The following DNAAF11 variants were observed in gnomAD, a reference collection of about 807,000 sequenced individuals.
DNAAF11 encodes the protein dynein axonemal assembly factor 11.
In DNAAF11, 45 loss-of-function variants were observed where a neutral mutation model predicts 60.8. The ratio of observed to expected loss-of-function variants is 0.74; its 90% confidence interval spans 0.58 to 0.95. The LOEUF is 0.95. DNAAF11 is among the 40% of genes least tolerant of loss of function. The pLI is 0.00. For missense variants in DNAAF11, 546 were observed against 546.2 expected (o/e 1.00, Z 0.00); for synonymous variants, 191 against 183.5 (o/e 1.04, Z -0.33).
intron 10 of DNAAF11, among the ~76,000 whole-genome samples, chr8:132,599,212 AG>A (rs1398507209): frequency 2.0e-5 from 3 of 152,232 alleles, no homozygotes; most frequent in Non-Finnish European, 4.4e-5. Context: ...CACCACCCCA[AG>A]ACTAAACCAG....
intron 5 of DNAAF11, among the ~76,000 whole-genome samples, chr8:132,626,378 T>C (rs1820287232): frequency 6.6e-6 from 1 of 152,188 alleles, no homozygotes; most frequent in East Asian, 1.9e-4. Context: ...GGCCTGTGTC[T>C]AGTTTATTTT....
intron 7 of DNAAF11, among the ~76,000 whole-genome samples, chr8:132,617,240 TGAA>T (rs1328947056): frequency 6.6e-6 from 1 of 152,026 alleles, no homozygotes; most frequent in Non-Finnish European, 1.5e-5. Flanking sequence ...GTGAGAGCCA[TGAA>T]GAGCGAATGT....
chr8:132,660,061 G>A (rs531143282), intron 2 of DNAAF11, among the ~76,000 whole-genome samples: 1 of 152,152 alleles, frequency 6.6e-6, no homozygotes, highest in Non-Finnish European at 1.5e-5. Context: ...ACAGGGGTTG[G>A]CACTCACTCT....
intron 3 of DNAAF11, among the ~76,000 whole-genome samples, chr8:132,640,103 C>T (rs1263325953): frequency 6.6e-6 from 1 of 152,112 alleles, no homozygotes. Flanking sequence ...TCTAATAGAC[C>T]TTCTTCAACC....
At chr8:132,614,986 G>T in intron 8 of DNAAF11, 52 bp downstream of exon 8, 2 of 1,187,170 alleles carry the variant, frequency 1.7e-6, no homozygotes, top group South Asian at 1.4e-5. Flanking sequence ...TTACTACTGA[G>T]AATGAAAACA....
intron 1 of DNAAF11, among the ~76,000 whole-genome samples, chr8:132,668,595 C>T (rs558843660): frequency 1.3e-5 from 2 of 152,102 alleles, no homozygotes; most frequent in African/African-American, 2.4e-5. Context: ...CCTGCCACCA[C>T]GCCTGGCTAA....
At chr8:132,579,272 C>T (rs762941115) in intron 11 of DNAAF11, among the ~76,000 whole-genome samples, 3 of 152,096 alleles carry the variant, frequency 2.0e-5, no homozygotes, top group South Asian at 2.1e-4. Context: ...TTGCCAGGGT[C>T]CAGTAAAACA....
At chr8:132,658,365 C>A (rs562967902) in intron 2 of DNAAF11, among the ~76,000 whole-genome samples, 1 of 152,270 alleles carries the variant, frequency 6.6e-6, no homozygotes, top group South Asian at 2.1e-4. Flanking sequence ...CTCTGTTGCC[C>A]AGGCTGGAGT....
intron 1 of DNAAF11, among the ~76,000 whole-genome samples, chr8:132,674,236 A>G (rs1347243138): frequency 6.6e-6 from 1 of 151,942 alleles, no homozygotes; most frequent in Admixed American, 6.6e-5. Context: ...GAGAAGAAGA[A>G]AAAAACCAAC....
chr8:132,616,661 T>C (rs1162336224), intron 7 of DNAAF11, among the ~76,000 whole-genome samples: 1 of 152,150 alleles, frequency 6.6e-6, no homozygotes, highest in Non-Finnish European at 1.5e-5. Context: ...CTTTTAGTCG[T>C]CATAAGTGTG....
chr8:132,633,714 T>A (rs1370599888), intron 4 of DNAAF11, among the ~76,000 whole-genome samples: 1 of 152,132 alleles, frequency 6.6e-6, no homozygotes, highest in African/African-American at 2.4e-5. Context: ...ATGATTCTTA[T>A]AAGGACCACA....
At position 132,571,802 on chromosome 8, in the gene DNAAF11, T is replaced by G. The variant is rs1209218133; in HGVS notation, c.*504A>C. Among the ~76,000 whole-genome samples the G allele has an allele frequency of 6.6e-6, 1 of 152,050 alleles. No individual in the cohort carries two copies. The highest frequency in any genetic ancestry group is 1.5e-5 in the Non-Finnish European group (1 of 68,010). On this transcript the variant is annotated 3_prime_UTR_variant, in exon 12 of 12. Coordinates refer to ENST00000620350, the MANE Select transcript of DNAAF11 (RefSeq NM_012472.6). ...ATTGAGCTGGAATCCAAATATAGAGTGTCTGGTTTCAAAACTCATATTCTT... is the reference window on the plus strand; with the variant it reads ...ATTGAGCTGGAATCCAAATATAGAGGGTCTGGTTTCAAAACTCATATTCTT...
intron 10 of DNAAF11, among the ~76,000 whole-genome samples, chr8:132,606,620 C>T (rs1416648985): frequency 6.6e-6 from 1 of 152,186 alleles, no homozygotes; most frequent in Non-Finnish European, 1.5e-5. Context: ...ATCCTTCTGC[C>T]TTAGCCTCCT....
chr8:132,645,601 A>T lies in DNAAF11; in HGVS notation c.257-7494T>A, dbSNP rs558175419. 3.4e-3 allele frequency among the ~76,000 whole-genome samples: 523 copies of T among 152,284 alleles called. 3 individuals carry two copies. The highest frequency in any genetic ancestry group is 0.012 in the African/African-American group (492 of 41,570). On this transcript the variant is annotated intron_variant, in intron 3 of 11. Transcript: ENST00000620350. The stretch of plus-strand genomic sequence containing the variant: ...AAGAAGCTAAAAACCTTGAAAAAAA[A>T]TAGACAAATGGCTAACTAGAATAAA...
At chr8:132,686,595 A>G in the DNAAF11 span, among the ~76,000 whole-genome samples, 1 of 152,126 alleles carries the variant, frequency 6.6e-6, no homozygotes, top group Non-Finnish European at 1.5e-5. Flanking sequence ...GAGTGAGAGC[A>G]AGAAAGAAGC....
intron 10 of DNAAF11, among the ~76,000 whole-genome samples, chr8:132,588,590 G>C (rs932662052): frequency 6.6e-6 from 1 of 152,166 alleles, no homozygotes; most frequent in African/African-American, 2.4e-5. Context: ...AAAAAAAGTA[G>C]AATTGCTAGA....
the DNAAF11 span, among the ~76,000 whole-genome samples, chr8:132,681,689 G>A: frequency 6.6e-6 from 1 of 152,154 alleles, no homozygotes; most frequent in Non-Finnish European, 1.5e-5. Context: ...TCAAGTGGAA[G>A]TAGAAAAGCA....
At chr8:132,702,323 G>T in the DNAAF11 span, 1 of 152,166 alleles carries the variant, frequency 6.6e-6, no homozygotes, top group African/African-American at 2.4e-5. Flanking sequence ...TGGTGGAACT[G>T]CCAGAGTCTG....
intron 4 of DNAAF11, among the ~76,000 whole-genome samples, chr8:132,637,704 C>G (rs915754500): frequency 5.3e-5 from 8 of 151,870 alleles, no homozygotes; most frequent in Non-Finnish European, 1.0e-4. Context: ...AAATTAAGTT[C>G]TGTGTGTTTT....
Sources: allele counts gnomAD v4.1 joint callset (sites outside exome capture counted in the v4.1 genomes callset), GRCh38; gene constraint gnomAD v4.1.1; transcripts MANE v1.5; gene names NCBI Gene and HGNC (gene_info 2026-07-23, HGNC 2026-07-21).